Variants in MYO15A observed in about 807,000 individuals in gnomAD.
MYO15A encodes the protein myosin XVA, also known as unconventional myosin-XV.
A neutral mutation model predicts 394.6 loss-of-function variants in MYO15A; 308 were observed. The observed-to-expected ratio is 0.78, with a 90% CI of 0.71 to 0.86. The LOEUF is 0.86. Ranked by LOEUF, MYO15A falls within the 40% of genes least tolerant of loss-of-function variation. The pLI is 0.00. For synonymous variants in MYO15A, 1,957 were observed against 2,003.8 expected, an observed-to-expected ratio of 0.98 and a Z score of 0.62; for missense variants, 4,606 against 4,799.1, an observed-to-expected ratio of 0.96 and a Z score of 1.19.
rs1334008869 is a variant in MYO15A, at chr17:18,121,778, A to C, written c.2978A>C (p.His993Pro). ...ATGACCAGGGTCTTCCTGGGCAGAC[A>C]CCATGAGCCGGGGCCTGGACAGCTC... is the stretch of plus-strand genomic sequence containing the variant. ...ADMTRVFLGR[H>P]HEPGPGQLTK... is the part of the protein sequence containing the mutation. The change falls in exon 2 of 66, where the codon CAC becomes CCC. Residue 993 changes from histidine (H) to proline (P), a missense_variant. By Grantham distance (77) the His-to-Pro change is moderately conservative. Around this residue, in one of 2 missense-constraint regions of MYO15A, gnomAD observed 1,830 missense variants for 1,689.7 expected, o/e 1.08. Transcript: ENST00000647165. The surrounding 1 kb of genome is among the most constrained non-coding windows in gnomAD (Gnocchi z 5.3). 1.9e-6 allele frequency: 3 copies of C among 1,610,260 alleles called. No homozygotes were observed. The East Asian group carries it at 6.7e-5, about 36-fold the overall frequency.
rs370762045 is a variant in MYO15A at position 18,173,799 on chromosome 17, C to T, written c.10369C>T (p.Pro3457Ser). Reference sequence around the variant, plus strand: ...CTCCCAGGAATTGATGGTGAAGTTCCCCCTGAAGGAGATCCAGTCGACGCG... The same window carrying T: ...CTCCCAGGAATTGATGGTGAAGTTCTCCCTGAAGGAGATCCAGTCGACGCG... ...TETHELMVKFPLKEIQSTRTQ... is the reference protein window; with the variant it reads ...TETHELMVKFSLKEIQSTRTQ... The change falls in exon 65 of 66, where the codon CCC (proline) becomes TCC (serine). Residue 3457 changes from proline to serine, a missense_variant. By Grantham distance (74) the Pro-to-Ser change is moderately conservative. This residue lies in a region of MYO15A where 2,776 missense variants were observed against 3,109.3 expected (regional missense o/e 0.89). Coordinates refer to ENST00000647165, the MANE Select transcript of MYO15A (RefSeq NM_016239.4). 1 of 1,613,886 alleles carries T rather than the reference C, an allele frequency of 6.2e-7. No individual in the cohort carries two copies. Among genetic ancestry groups the T allele is most frequent in the African/African-American group, 1.3e-5 (1 of 74,944 alleles).
chr17:18,120,881 ACGGCTCC>A lies in MYO15A; in HGVS notation c.2083_2089del (p.Gly695SerfsTer31). The A allele has an allele frequency of 1.5e-6, 2 of 1,356,052 alleles. No homozygotes were observed. The highest frequency in any genetic ancestry group is 1.9e-6 in the Non-Finnish European group (2 of 1,054,246). 84.0% of individuals were successfully genotyped at this position (1,356,052 alleles called of 1,614,324 possible). A position where few individuals can be genotyped will look rare whatever the true frequency, so the allele number is the denominator to read the frequency against. On this transcript the variant is annotated frameshift_variant, in exon 2 of 66. Transcript: ENST00000647165. LOFTEE classifies it high-confidence loss of function. ...GGCCTGCCCCGGCCGGCCTCGCCCT[ACGGCTCC>A]CTCCGCCGCCACCCGCCGCCCTGGG...
chr17:18,163,913 C>T, intron 60 of MYO15A, 75 bp downstream of exon 60: 1 of 1,480,600 alleles, frequency 6.8e-7, no homozygotes, highest in Non-Finnish European at 9.3e-7. Context: ...GCCCTCCACC[C>T]AGATTTTAGG....
Position 18,122,008 on chromosome 17 carries a change from C to T in MYO15A, c.3208C>T (p.Gln1070Ter), listed in dbSNP as rs1243799307. 1 of 1,613,234 alleles carries T rather than the reference C, an allele frequency of 6.2e-7. No homozygotes were observed. Among genetic ancestry groups the T allele is most frequent in the Non-Finnish European group, 8.5e-7 (1 of 1,180,018 alleles). ...SLSYPLAACD[Q>*]TRATWPPWHR... ...CTCATACCCACTGGCTGCGTGTGAC[C>T]AGACCAGGGCCACATGGCCACCATG... The change falls in exon 2 of 66, where the codon CAG becomes TAG. Residue 1070 changes from glutamine to a stop codon, truncating the protein, a stop_gained. Coordinates refer to ENST00000647165, the MANE Select transcript of MYO15A (RefSeq NM_016239.4). LOFTEE classifies it high-confidence loss of function.
intron 18 of MYO15A, 24 bp from the exon 19 acceptor site, chr17:18,139,510 C>G (rs766373548): frequency 6.2e-7 from 1 of 1,611,864 alleles, no homozygotes; most frequent in South Asian, 1.1e-5. Flanking sequence ...CCAGGATTAC[C>G]CAGGCCATTG....
chr17:18,145,814 G>A, intron 29 of MYO15A, 58 bp from the exon 30 acceptor site: 1 of 1,513,338 alleles, frequency 6.6e-7, no homozygotes, highest in South Asian at 1.1e-5. Flanking sequence ...ATGTTGTGGG[G>A]TGGGGACTGG....
rs77565048 is a variant in MYO15A, at chr17:18,121,940, C to A, written c.3140C>A (p.Pro1047His). Residue 1047 changes from proline (P) to histidine (H), a missense_variant, in exon 2 of 66, where the codon CCC becomes CAC. Coordinates refer to ENST00000647165, the MANE Select transcript of MYO15A (RefSeq NM_016239.4). This position sits in a 1 kb window ranked among gnomAD's most constrained non-coding sequence, Gnocchi z 5.3. ...DVTPPKDITP[P>H]KDVLPEQKTL... ...ACTCCCCCCAAGGATATCACTCCCC[C>A]CAAGGATGTCCTCCCAGAGCAAAAG... 59 of 1,613,296 alleles carry A rather than the reference C, an allele frequency of 3.7e-5. No homozygotes were observed. Among genetic ancestry groups the A allele is most frequent in the Non-Finnish European group, 4.6e-5 (54 of 1,179,976 alleles).
rs772795050 is a variant in MYO15A at position 18,119,966 on chromosome 17, A to G, written c.1166A>G (p.Asp389Gly). The change falls in exon 2 of 66, where the codon GAC becomes GGC. Residue 389 changes from aspartate to glycine, a missense_variant. This residue lies in a region of MYO15A where 1,830 missense variants were observed against 1,689.7 expected (regional missense o/e 1.08). Coordinates refer to ENST00000647165, the MANE Select transcript of MYO15A (RefSeq NM_016239.4). ...PYAEGVYGGG[D>G]EAIYPPEVPY... ...GCCGAAGGCGTCTATGGCGGTGGGG[A>G]CGAGGCCATCTACCCCCCCGAGGTG... 1 of 1,613,298 alleles carries G rather than the reference A, an allele frequency of 6.2e-7. No individual in the cohort carries two copies. Among genetic ancestry groups the G allele is most frequent in the African/African-American group, 1.3e-5 (1 of 74,864 alleles).
Position 18,124,547 on chromosome 17 carries a change from A to T in MYO15A, c.3674A>T (p.Glu1225Val). Residue 1225 changes from glutamate to valine, a missense_variant, in exon 3 of 66, where the codon GAG becomes GTG. Around this residue, in one of 2 missense-constraint regions of MYO15A, gnomAD observed 2,776 missense variants for 3,109.3 expected, o/e 0.89. Coordinates refer to ENST00000647165, the MANE Select transcript of MYO15A (RefSeq NM_016239.4). ...FREQHGEDGV[E>V]DMTQLEDLQE... ...GAGCAGCACGGGGAGGATGGTGTGG[A>T]GGACATGACACAGCTGGAGTGAGTG... is the stretch of plus-strand genomic sequence containing the variant. 1 of 1,613,210 alleles carries T rather than the reference A, an allele frequency of 6.2e-7. No homozygotes were observed. The highest frequency in any genetic ancestry group is 8.5e-7 in the Non-Finnish European group (1 of 1,179,966).
intron 42 of MYO15A, among the ~76,000 whole-genome samples, chr17:18,152,675 G>A (rs1296934497): frequency 6.6e-6 from 1 of 152,088 alleles, no homozygotes; most frequent in African/African-American, 2.4e-5. Flanking sequence ...CGTGGCCTAT[G>A]AGACGCGACA....
chr17:18,135,844 G>A lies in MYO15A; in HGVS notation c.4596+20G>A, dbSNP rs1420040681. The A allele has an allele frequency of 6.2e-7, 1 of 1,605,558 alleles. No homozygotes were observed. Among genetic ancestry groups the A allele is most frequent in the African/African-American group, 1.3e-5 (1 of 74,718 alleles). On this transcript the variant is annotated intron_variant, in intron 13 of 65. Transcript: ENST00000647165. ...GTGACCGTGAGTCTGTGGGCATCTG[G>A]CCTTCGAACAAAGCTTTCTACCAGG...
intron 56 of MYO15A, chr17:18,160,929 T>C: frequency 2.7e-6 from 1 of 374,120 alleles, no homozygotes; most frequent in Non-Finnish European, 5.2e-6. Flanking sequence ...TTAGAACCAC[T>C]CAGCTTGTCC....
intron 35 of MYO15A, 170 bp downstream of exon 35, chr17:18,149,750 A>G: frequency 1.4e-6 from 1 of 708,142 alleles, no homozygotes; most frequent in Non-Finnish European, 2.5e-6. Flanking sequence ...GTCTCTTCAC[A>G]GCTAGAGATG....
In MYO15A at chr17:18,148,721, C is replaced by T. The variant is rs1479401248; in HGVS notation, c.6765-40C>T. 13 of 1,565,978 alleles carry T rather than the reference C, an allele frequency of 8.3e-6. No individual in the cohort carries two copies. Among genetic ancestry groups the T allele is most frequent in the Non-Finnish European group, 1.0e-5 (12 of 1,154,716 alleles). ...GATCTCCCCAGGTAGTGCCTGATGA[C>T]TCTGTCCCTCATTTCCATTCCTGTG... On this transcript the variant is annotated intron_variant, in intron 32 of 65. Coordinates refer to ENST00000647165, the MANE Select transcript of MYO15A (RefSeq NM_016239.4). This position sits in a 1 kb window ranked among gnomAD's most constrained non-coding sequence, Gnocchi z 4.8.
At chr17:18,142,985 T>G in intron 25 of MYO15A, 145 bp downstream of exon 25, 2 of 745,836 alleles carry the variant, frequency 2.7e-6, no homozygotes, top group Non-Finnish European at 4.8e-6. Flanking sequence ...CTTTGGCCAT[T>G]GTCTATCCTC....
At position 18,119,844 on chromosome 17, in the gene MYO15A, G is replaced by T; in HGVS notation, c.1044G>T (p.Pro348=). ...PYGYYLDPYA[P]YDAPYPPYDL... is the part of the protein sequence containing the mutation. ...GCTACTACCTGGATCCCTATGCGCCGTACGACGCGCCATACCCACCCTATG... is the reference window on the plus strand; with the variant it reads ...GCTACTACCTGGATCCCTATGCGCCTTACGACGCGCCATACCCACCCTATG... The change falls in exon 2 of 66, where the codon CCG becomes CCT. Residue 348 remains proline (P), a synonymous_variant. Transcript: ENST00000647165. 6.2e-7 allele frequency: 1 copy of T among 1,613,024 alleles called. No individual in the cohort carries two copies.
intron 28 of MYO15A, 78 bp downstream of exon 28, chr17:18,144,078 G>A: frequency 8.1e-6 from 13 of 1,600,472 alleles, no homozygotes; most frequent in Non-Finnish European, 1.1e-5. Flanking sequence ...CTTGCCCTGG[G>A]GCAGGCTCCT....
At position 18,153,903 on chromosome 17, in the gene MYO15A, A is replaced by G; in HGVS notation, c.8088+7A>G. The G allele has an allele frequency of 1.2e-6, 2 of 1,613,366 alleles. No individual in the cohort carries two copies. The highest frequency in any genetic ancestry group is 1.6e-4 in the Middle Eastern group (1 of 6,062). ...GATCTTCCTGCGCAAAGAGGTGCCG[A>G]GCACAGCCGTAGCCAGGGGAGGGGC... On this transcript the variant is annotated splice_region_variant and intron_variant, in intron 43 of 65. Transcript: ENST00000647165. This position sits in a 1 kb window ranked among gnomAD's most constrained non-coding sequence, Gnocchi z 4.1.
rs370176517 is a variant in MYO15A, at chr17:18,156,288, G to A, written c.8553G>A (p.Ala2851=). The A allele has an allele frequency of 9.3e-6, 15 of 1,614,016 alleles. No individual in the cohort carries two copies. The highest frequency in any genetic ancestry group is 2.2e-5 in the East Asian group (1 of 44,894). The change falls in exon 48 of 66, where the codon GCG becomes GCA. Residue 2851 remains alanine (A), a synonymous_variant. Coordinates refer to ENST00000647165, the MANE Select transcript of MYO15A (RefSeq NM_016239.4). Reference sequence around the variant, plus strand: ...AGGTCATCCTCTTCTCAGCCCGAGCGCACCAGGTCAAGACCCTGGTAGATG... The same window carrying A: ...AGGTCATCCTCTTCTCAGCCCGAGCACACCAGGTCAAGACCCTGGTAGATG... ...SEKVILFSAR[A]HQVKTLVDDF... is the part of the protein sequence containing the mutation.
Sources: gnomAD v4.1 joint callset for allele counts (sites outside exome capture counted in the v4.1 genomes callset) on GRCh38, gnomAD v4.1.1 for gene constraint, gnomAD v4.1.1 regional missense constraint, Gnocchi (gnomAD v3.1) non-coding constraint, MANE v1.5 for transcripts, NCBI Gene and HGNC (gene_info 2026-07-23, HGNC 2026-07-21) for gene names.